The following C10orf95 variants were observed in gnomAD, a reference collection of about 807,000 sequenced individuals.
C10orf95 encodes the protein uncharacterized protein C10orf95.
For missense variants in C10orf95, 412 were observed against 327.4 expected (o/e 1.26, Z -1.99); for synonymous variants, 188 against 160.4 (o/e 1.17, Z -1.30).
intron 1 of C10orf95, 110 bp from the exon 2 acceptor site, chr10:102,451,257 A>C (rs1262121101): frequency 5.6e-6 from 8 of 1,424,586 alleles, no homozygotes; most frequent in Non-Finnish European, 7.4e-6. Context: ...ATTCATCCCA[A>C]ATCGAACATT....
Position 102,450,326 on chromosome 10 carries a change from G to T in C10orf95, c.*126C>A. ...CGGCAGTCATGGGAGAAGCCAAAAA[G>T]ACAGGTGAGCAGCGCGTCCGCCTCC... On this transcript the variant is annotated 3_prime_UTR_variant, in exon 2 of 2. Transcript: ENST00000625129. The T allele has an allele frequency of 9.6e-7, 1 of 1,046,634 alleles. No homozygotes were observed. Among genetic ancestry groups the T allele is most frequent in the Non-Finnish European group, 1.4e-6 (1 of 704,676 alleles). The allele number at this position is 1,046,634 out of a possible 1,614,324, so 64.8% of individuals were successfully genotyped here. A position where few individuals can be genotyped will look rare whatever the true frequency, so the allele number is the denominator to read the frequency against.
Position 102,451,159 on chromosome 10 carries a change from G to A in C10orf95, c.-54-12C>T, listed in dbSNP as rs1298772798. 2.1e-6 allele frequency: 3 copies of A among 1,438,770 alleles called. No individual in the cohort carries two copies. Among genetic ancestry groups the A allele is most frequent in the Non-Finnish European group, 2.7e-6 (3 of 1,099,326 alleles). 89.1% of individuals were successfully genotyped at this position (1,438,770 alleles called of 1,614,324 possible). On this transcript the variant is annotated splice_polypyrimidine_tract_variant and intron_variant, in intron 1 of 1. Transcript: ENST00000625129. ...CTGCGGATCCAGACCTGCGGCGGAG[G>A]AAGGGATATGTAGACAGACTTTCTA... is the stretch of plus-strand genomic sequence containing the variant.
rs1565244244 is a variant in C10orf95, at chr10:102,451,119, T to A, written c.-26A>T. 6 of 1,445,326 alleles carry A rather than the reference T, an allele frequency of 4.2e-6. No homozygotes were observed. In the Admixed American group the frequency reaches 1.5e-4, roughly 37 times the overall value. 89.5% of individuals were successfully genotyped at this position (1,445,326 alleles called of 1,614,324 possible). A position where few individuals can be genotyped will look rare whatever the true frequency, so the allele number is the denominator to read the frequency against. ...GGTCGGCCCCCCAGGCGGCTGCTGT[T>A]CTTACTGGGGGCTCCTGCGGATCCA... is the stretch of plus-strand genomic sequence containing the variant. On this transcript the variant is annotated 5_prime_UTR_variant, in exon 2 of 2. Transcript: ENST00000625129.
rs768886883 is a variant in C10orf95, at chr10:102,450,345, C to T, written c.*107G>A. ...CAAAAAGACAGGTGAGCAGCGCGTC[C>T]GCCTCCCGCGCACAGGTGAGGGCTC... On this transcript the variant is annotated 3_prime_UTR_variant, in exon 2 of 2. Coordinates refer to ENST00000625129, the MANE Select transcript of C10orf95 (RefSeq NM_001363580.1). 4.2e-5 allele frequency: 52 copies of T among 1,230,170 alleles called. No individual in the cohort carries two copies. The highest frequency in any genetic ancestry group is 1.3e-5 in the Non-Finnish European group (11 of 872,934). The allele number at this position is 1,230,170 out of a possible 1,614,324, so 76.2% of individuals were successfully genotyped here. A position where few individuals can be genotyped will look rare whatever the true frequency, so the allele number is the denominator to read the frequency against.
At position 102,450,595 on chromosome 10, in the gene C10orf95, G is replaced by A. The variant is rs1175915185; in HGVS notation, c.499C>T (p.Leu167=). The change falls in exon 2 of 2, where the codon CTG becomes TTG. Residue 167 remains leucine (L), a synonymous_variant. Coordinates refer to ENST00000625129, the MANE Select transcript of C10orf95 (RefSeq NM_001363580.1). The part of the protein sequence containing the change: ...VRVTQRRGQF[L]LQATPRVLEP... ...AGCACGCGCGGCGTCGCCTGCAGCA[G>A]GAACTGGCCGCGGCGCTGGGTGACG... 1 of 1,267,644 alleles carries A rather than the reference G, an allele frequency of 7.9e-7. No individual in the cohort carries two copies. Among genetic ancestry groups the A allele is most frequent in the Non-Finnish European group, 9.9e-7 (1 of 1,010,852 alleles). The allele number at this position is 1,267,644 out of a possible 1,614,324, so 78.5% of individuals were successfully genotyped here. A position where few individuals can be genotyped will look rare whatever the true frequency, so the allele number is the denominator to read the frequency against.
At position 102,450,407 on chromosome 10, in the gene C10orf95, G is replaced by A. The variant is rs1479803856; in HGVS notation, c.*45C>T. On this transcript the variant is annotated 3_prime_UTR_variant, in exon 2 of 2. Coordinates refer to ENST00000625129, the MANE Select transcript of C10orf95 (RefSeq NM_001363580.1). ...TCGGCGGCGGCACACACAGGAAAGAGCCAAGCGCGTGCACGCGGGCCCGCC... is the reference window on the plus strand; with the variant it reads ...TCGGCGGCGGCACACACAGGAAAGAACCAAGCGCGTGCACGCGGGCCCGCC... 2 of 1,518,742 alleles carry A rather than the reference G, an allele frequency of 1.3e-6. No individual in the cohort carries two copies. The highest frequency in any genetic ancestry group is 3.9e-5 in the Admixed American group (2 of 50,660). The allele number at this position is 1,518,742 out of a possible 1,614,324, so 94.1% of individuals were successfully genotyped here.
chr10:102,450,817 C>G lies in C10orf95; in HGVS notation c.277G>C (p.Gly93Arg). The G allele has an allele frequency of 8.0e-7, 1 of 1,249,676 alleles. No individual in the cohort carries two copies. Among genetic ancestry groups the G allele is most frequent in the East Asian group, 3.2e-5 (1 of 30,870 alleles). 77.4% of individuals were successfully genotyped at this position (1,249,676 alleles called of 1,614,324 possible). The change falls in exon 2 of 2, where the codon GGC (glycine) becomes CGC (arginine). Residue 93 changes from glycine to arginine, a missense_variant. Gly to Arg is a moderately radical substitution (Grantham distance 125). Transcript: ENST00000625129. ...TTLRRPCAAA[G>R]ISGLSLQAPA... is the part of the protein sequence containing the mutation. ...GCCTGCAGCGACAGTCCCGAGATGC[C>G]GGCGGCGGCGCAGGGCCGGCGCAGG... is the stretch of plus-strand genomic sequence containing the variant.
intron 1 of C10orf95, 100 bp downstream of exon 1, chr10:102,451,286 C>T: frequency 6.9e-7 from 1 of 1,451,694 alleles, no homozygotes; most frequent in South Asian, 1.4e-5. Flanking sequence ...CGCCTAGCCT[C>T]TTGTCCCAAG....
In C10orf95 at chr10:102,450,552, A is replaced by C. The variant is rs1467629693; in HGVS notation, c.542T>G (p.Val181Gly). Reference protein sequence around the residue: ...TPRVLEPDHRVEWRVRRRPDS... With the variant: ...TPRVLEPDHRGEWRVRRRPDS... ...GGGCCGGCGCCGCACGCGCCACTCC[A>C]CGCGGTGGTCGGGCTCGAGCACGCG... Residue 181 changes from valine to glycine, a missense_variant, in exon 2 of 2, where the codon GTG (valine) becomes GGG (glycine). Val to Gly is a moderately radical substitution (Grantham distance 109). Coordinates refer to ENST00000625129, the MANE Select transcript of C10orf95 (RefSeq NM_001363580.1). 1 of 1,354,142 alleles carries C rather than the reference A, an allele frequency of 7.4e-7. No individual in the cohort carries two copies. The highest frequency in any genetic ancestry group is 3.1e-5 in the East Asian group (1 of 31,862). 83.9% of individuals were successfully genotyped at this position (1,354,142 alleles called of 1,614,324 possible).
Position 102,450,468 on chromosome 10 carries a change from C to G in C10orf95, c.626G>C (p.Ser209Thr). 6.7e-7 allele frequency: 1 copy of G among 1,496,780 alleles called. No individual in the cohort carries two copies. Among genetic ancestry groups the G allele is most frequent in the Non-Finnish European group, 8.9e-7 (1 of 1,127,292 alleles). The allele number at this position is 1,496,780 out of a possible 1,614,324, so 92.7% of individuals were successfully genotyped here. A position where few individuals can be genotyped will look rare whatever the true frequency, so the allele number is the denominator to read the frequency against. Residue 209 changes from serine (S) to threonine (T), a missense_variant, in exon 2 of 2, where the codon AGC (serine) becomes ACC (threonine). Transcript: ENST00000625129. ...GCGGCGGCTTCAGCTCAGGCCCTTG[C>G]TCTTCCTGGGGCGGCCGCGCTCCGC... is the stretch of plus-strand genomic sequence containing the variant. Reference protein sequence around the residue: ...EAAERGRPRKSKGLS With the variant: ...EAAERGRPRKTKGLS
rs1177481729 is a variant in C10orf95, at chr10:102,450,512, G to A, written c.582C>T (p.Ser194=). The A allele has an allele frequency of 9.3e-6, 13 of 1,403,374 alleles. No individual in the cohort carries two copies. Among genetic ancestry groups the A allele is most frequent in the South Asian group, 1.5e-5 (1 of 65,084 alleles). The allele number at this position is 1,403,374 out of a possible 1,614,324, so 86.9% of individuals were successfully genotyped here. A position where few individuals can be genotyped will look rare whatever the true frequency, so the allele number is the denominator to read the frequency against. The stretch of plus-strand genomic sequence containing the variant: ...GCTCCGCGGCTTCCCGGGCTGGGCT[G>A]CTGTCGCCGCTGTCGGGCCGGCGCC... ...RVRRRPDSGD[S]SPAREAAERG... The change falls in exon 2 of 2, where the codon AGC becomes AGT. Residue 194 remains serine (S), a synonymous_variant. Coordinates refer to ENST00000625129, the MANE Select transcript of C10orf95 (RefSeq NM_001363580.1).
chr10:102,450,338 GCGCGTCCGCCTCCC>G lies in C10orf95; in HGVS notation c.*100_*113del. Reference sequence around the variant, plus strand: ...GAGAAGCCAAAAAGACAGGTGAGCAGCGCGTCCGCCTCCCGCGCACAGGTGAGGGCTCACTTCTG... The same window carrying G: ...GAGAAGCCAAAAAGACAGGTGAGCAGGCGCACAGGTGAGGGCTCACTTCTG... On this transcript the variant is annotated 3_prime_UTR_variant, in exon 2 of 2. Coordinates refer to ENST00000625129, the MANE Select transcript of C10orf95 (RefSeq NM_001363580.1). The G allele has an allele frequency of 8.7e-7, 1 of 1,155,698 alleles. No homozygotes were observed. Among genetic ancestry groups the G allele is most frequent in the Non-Finnish European group, 1.2e-6 (1 of 804,668 alleles). The allele number at this position is 1,155,698 out of a possible 1,614,324, so 71.6% of individuals were successfully genotyped here.
Position 102,450,715 on chromosome 10 carries a change from C to T in C10orf95, c.379G>A (p.Val127Met), listed in dbSNP as rs1431471624. Residue 127 changes from valine (V) to methionine (M), a missense_variant, in exon 2 of 2, where the codon GTG becomes ATG. Coordinates refer to ENST00000625129, the MANE Select transcript of C10orf95 (RefSeq NM_001363580.1). ...SLQTELRWGR[V>M]ERARGPPLQL... Reference sequence around the variant, plus strand: ...AGAGGGGGGCCCCGCGCGCGCTCCACGCGGCCCCAGCGCAGCTCGGTTTGC... The same window carrying T: ...AGAGGGGGGCCCCGCGCGCGCTCCATGCGGCCCCAGCGCAGCTCGGTTTGC... 7 of 1,272,728 alleles carry T rather than the reference C, an allele frequency of 5.5e-6. 1 individual carries two copies. Among genetic ancestry groups the T allele is most frequent in the Non-Finnish European group, 6.9e-6 (7 of 1,007,684 alleles). 78.8% of individuals were successfully genotyped at this position (1,272,728 alleles called of 1,614,324 possible).
Position 102,450,619 on chromosome 10 carries a change from C to A in C10orf95, c.475G>T (p.Val159Phe), listed in dbSNP as rs911592714. 1 of 1,239,410 alleles carries A rather than the reference C, an allele frequency of 8.1e-7. No homozygotes were observed. The highest frequency in any genetic ancestry group is 3.3e-5 in the South Asian group (1 of 30,380). The allele number at this position is 1,239,410 out of a possible 1,614,324, so 76.8% of individuals were successfully genotyped here. Residue 159 changes from valine to phenylalanine, a missense_variant, in exon 2 of 2, where the codon GTC (valine) becomes TTC (phenylalanine). Coordinates refer to ENST00000625129, the MANE Select transcript of C10orf95 (RefSeq NM_001363580.1). ...AGGAACTGGCCGCGGCGCTGGGTGACGCGCACGTCGGCGCGGGGGTAGGTG... is the reference window on the plus strand; with the variant it reads ...AGGAACTGGCCGCGGCGCTGGGTGAAGCGCACGTCGGCGCGGGGGTAGGTG... The part of the protein sequence containing the change: ...YGTYPRADVR[V>F]TQRRGQFLLQ...
chr10:102,450,449 G>C lies in C10orf95; in HGVS notation c.*3C>G, dbSNP rs1265308058. ...GGGCCCGCCCCTAGGCCTTGCGGCG[G>C]CTTCAGCTCAGGCCCTTGCTCTTCC... On this transcript the variant is annotated 3_prime_UTR_variant, in exon 2 of 2. Coordinates refer to ENST00000625129, the MANE Select transcript of C10orf95 (RefSeq NM_001363580.1). 6.6e-7 allele frequency: 1 copy of C among 1,524,062 alleles called. No homozygotes were observed. The highest frequency in any genetic ancestry group is 1.4e-5 in the African/African-American group (1 of 72,462). 94.4% of individuals were successfully genotyped at this position (1,524,062 alleles called of 1,614,324 possible).
Position 102,450,548 on chromosome 10 carries a change from C to T in C10orf95, c.546G>A (p.Glu182=). The T allele has an allele frequency of 7.4e-7, 1 of 1,358,262 alleles. No homozygotes were observed. Among genetic ancestry groups the T allele is most frequent in the Non-Finnish European group, 9.4e-7 (1 of 1,062,114 alleles). The allele number at this position is 1,358,262 out of a possible 1,614,324, so 84.1% of individuals were successfully genotyped here. Residue 182 remains glutamate (E), a synonymous_variant, in exon 2 of 2, where the codon GAG becomes GAA. Transcript: ENST00000625129. ...PRVLEPDHRV[E]WRVRRRPDSG... is the part of the protein sequence containing the mutation. ...TGTCGGGCCGGCGCCGCACGCGCCA[C>T]TCCACGCGGTGGTCGGGCTCGAGCA...
chr10:102,450,680 C>T lies in C10orf95; in HGVS notation c.414G>A (p.Pro138=). 4.1e-6 allele frequency: 5 copies of T among 1,234,452 alleles called. No individual in the cohort carries two copies. In the South Asian group the frequency reaches 9.3e-5, roughly 23 times the overall value. The allele number at this position is 1,234,452 out of a possible 1,614,324, so 76.5% of individuals were successfully genotyped here. The stretch of plus-strand genomic sequence containing the variant: ...GCCGCAGCTCCCGGCGCACGAAGTC[C>T]GGTAGCTGCAGAGGGGGGCCCCGCG... ...ERARGPPLQL[P]DFVRRELRRA... Residue 138 remains proline (P), a synonymous_variant, in exon 2 of 2, where the codon CCG becomes CCA. Coordinates refer to ENST00000625129, the MANE Select transcript of C10orf95 (RefSeq NM_001363580.1).
Position 102,450,650 on chromosome 10 carries a change from C to T in C10orf95, c.444G>A (p.Ala148=), listed in dbSNP as rs1205244820. Residue 148 remains alanine, a synonymous_variant, in exon 2 of 2, where the codon GCG becomes GCA. Transcript: ENST00000625129. ...PDFVRRELRR[A]YGTYPRADVR... ...CGTCGGCGCGGGGGTAGGTGCCGTA[C>T]GCGCGCCGCAGCTCCCGGCGCACGA... 66 of 1,228,604 alleles carry T rather than the reference C, an allele frequency of 5.4e-5. No individual in the cohort carries two copies. The highest frequency in any genetic ancestry group is 6.6e-5 in the Non-Finnish European group (65 of 986,496). 76.1% of individuals were successfully genotyped at this position (1,228,604 alleles called of 1,614,324 possible). A position where few individuals can be genotyped will look rare whatever the true frequency, so the allele number is the denominator to read the frequency against.
chr10:102,450,896 C>T lies in C10orf95; in HGVS notation c.198G>A (p.Ala66=). Residue 66 remains alanine (A), a synonymous_variant, in exon 2 of 2, where the codon GCG becomes GCA. Coordinates refer to ENST00000625129, the MANE Select transcript of C10orf95 (RefSeq NM_001363580.1). ...REYHRFYGPA[A]PPEAAPPWWA... The stretch of plus-strand genomic sequence containing the variant: ...ACCAGGGCGGCGCGGCCTCGGGTGG[C>T]GCGGCGGGGCCGTAGAAGCGGTGGT... 1 of 1,235,144 alleles carries T rather than the reference C, an allele frequency of 8.1e-7. No homozygotes were observed. The highest frequency in any genetic ancestry group is 1.0e-6 in the Non-Finnish European group (1 of 990,132). The allele number at this position is 1,235,144 out of a possible 1,614,324, so 76.5% of individuals were successfully genotyped here. A position where few individuals can be genotyped will look rare whatever the true frequency, so the allele number is the denominator to read the frequency against.
Sources: allele counts gnomAD v4.1 joint callset, GRCh38; gene constraint gnomAD v4.1.1; transcripts MANE v1.5; gene names NCBI Gene and HGNC (gene_info 2026-07-23, HGNC 2026-07-21).